The following LRRFIP1 variants were observed in gnomAD, a reference collection of about 807,000 sequenced individuals.
The protein encoded by LRRFIP1 is LRR binding FLII interacting protein 1.
A neutral mutation model predicts 104.4 loss-of-function variants in LRRFIP1; 62 were observed. The ratio of observed to expected loss-of-function variants is 0.59; its 90% CI spans 0.48 to 0.73. LRRFIP1 has a LOEUF of 0.73. Among genes scored for constraint, LRRFIP1 ranks in the 30% least tolerant of loss-of-function variants. LRRFIP1 has a pLI of 0.00. For synonymous variants in LRRFIP1, 300 were observed against 299.0 expected, an observed-to-expected ratio of 1.00 and a Z score of -0.03; for missense variants, 796 against 824.5, an observed-to-expected ratio of 0.97 and a Z score of 0.42.
intron 15 of LRRFIP1, among the ~76,000 whole-genome samples, 161 bp from the exon 16 acceptor site, chr2:237,755,933 CA>C (rs1031003824): frequency 2.6e-5 from 4 of 151,762 alleles, no homozygotes; most frequent in African/African-American, 9.7e-5. Flanking sequence ...GACTCCATCT[CA>C]AAAAAATATA....
intron 1 of LRRFIP1, among the ~76,000 whole-genome samples, chr2:237,671,349 G>A (rs2090308913): frequency 1.3e-5 from 2 of 152,152 alleles, no homozygotes; most frequent in Non-Finnish European, 2.9e-5. Flanking sequence ...AAACAAATCG[G>A]AGCACATCCG....
At chr2:237,769,590 G>C in intron 19 of LRRFIP1, 1 of 244,798 alleles carries the variant, frequency 4.1e-6, no homozygotes, top group Non-Finnish European at 8.1e-6. Context: ...GTGATTCTCG[G>C]TGTTTGTACA....
Position 237,758,748 on chromosome 2 carries a change from A to G in LRRFIP1, c.1244A>G (p.Glu415Gly). 1 of 1,613,076 alleles carries G rather than the reference A, an allele frequency of 6.2e-7. No homozygotes were observed. Reference sequence around the variant, plus strand: ...ACTCAGGCATTAGAGAGGCAGAAAGAGTTCTTTGATTCCGTAAGGAGTGAA... The same window carrying G: ...ACTCAGGCATTAGAGAGGCAGAAAGGGTTCTTTGATTCCGTAAGGAGTGAA... ...KKIGALERQK[E>G]FFDSVRSERD... Residue 415 changes from glutamate (E) to glycine (G), a missense_variant, in exon 18 of 24, where the codon GAG becomes GGG. Glu to Gly is a moderately conservative substitution (Grantham distance 98). Coordinates refer to ENST00000308482, the MANE Select transcript of LRRFIP1 (RefSeq NM_001137550.2).
chr2:237,685,119 C>G (rs369410442), intron 1 of LRRFIP1, among the ~76,000 whole-genome samples: 20 of 79,976 alleles, frequency 2.5e-4, no homozygotes, highest in African/African-American at 9.4e-4. Flanking sequence ...CCCCCCCCCA[C>G]ACAAAAAAAC....
At chr2:237,692,406 C>T in intron 1 of LRRFIP1, 4 of 1,438,544 alleles carry the variant, frequency 2.8e-6, no homozygotes, top group Non-Finnish European at 3.7e-6. Context: ...GGGCTCCCGG[C>T]GCGGTCCCCG....
intron 8 of LRRFIP1, among the ~76,000 whole-genome samples, 153 bp downstream of exon 8, chr2:237,728,088 T>TG (rs754291777): frequency 2.6e-5 from 4 of 152,212 alleles, no homozygotes; most frequent in Non-Finnish European, 5.9e-5. Context: ...CATGATGGAA[T>TG]GAAAGATAAT....
rs6755426 is a variant in LRRFIP1 at position 237,661,844 on chromosome 2, G to A, written c.96+34104G>A. On this transcript the variant is annotated intron_variant, in intron 1 of 23. Transcript: ENST00000308482. This position sits in a 1 kb window ranked among gnomAD's most constrained non-coding sequence, Gnocchi z 4.4. Reference sequence around the variant, plus strand: ...GAGTGGCATAGGCTCTCCTGACCCAGGTACCTATCAGCCCCCAAAATAGGT... The same window carrying A: ...GAGTGGCATAGGCTCTCCTGACCCAAGTACCTATCAGCCCCCAAAATAGGT... Among the ~76,000 whole-genome samples the A allele has an allele frequency of 0.11, 16,305 of 152,218 alleles. 982 individuals are homozygous for A. Among genetic ancestry groups the A allele is most frequent in the African/African-American group, 0.15 (6,341 of 41,522 alleles).
At chr2:237,671,796 G>C in intron 1 of LRRFIP1, among the ~76,000 whole-genome samples, 1 of 150,778 alleles carries the variant, frequency 6.6e-6, no homozygotes, top group East Asian at 1.9e-4. Context: ...GTGTGTGCAG[G>C]TGTGTGTGTG....
chr2:237,644,010 A>T (rs1002927533), intron 1 of LRRFIP1, among the ~76,000 whole-genome samples: 1 of 152,208 alleles, frequency 6.6e-6, no homozygotes, highest in African/African-American at 2.4e-5. Flanking sequence ...TAAAGCAAGA[A>T]ACCAAATCCT....
At chr2:237,763,895 C>T in intron 19 of LRRFIP1, 1 of 1,614,242 alleles carries the variant, frequency 6.2e-7, no homozygotes, top group East Asian at 2.2e-5. Context: ...TCGCTGCACC[C>T]TGCCCGAACA....
At chr2:237,757,364 A>T in intron 16 of LRRFIP1, 92 bp from the exon 17 acceptor site, 1 of 764,530 alleles carries the variant, frequency 1.3e-6, no homozygotes, top group Non-Finnish European at 2.2e-6. Context: ...TTGCGGCCTC[A>T]CTCACTGTCC....
intron 1 of LRRFIP1, among the ~76,000 whole-genome samples, chr2:237,696,730 C>T (rs1043719783): frequency 3.9e-5 from 6 of 152,224 alleles, no homozygotes; most frequent in Non-Finnish European, 8.8e-5. Flanking sequence ...ATAACTGTCA[C>T]CACTGTATGC....
intron 1 of LRRFIP1, among the ~76,000 whole-genome samples, chr2:237,657,207 T>A (rs12470119): frequency 0.1 from 15,286 of 151,826 alleles, 842 homozygotes; most frequent in African/African-American, 0.13. Context: ...AAGACAGAAA[T>A]GGGAAACAGG....
At chr2:237,640,596 T>C (rs1395915932) in intron 1 of LRRFIP1, among the ~76,000 whole-genome samples, 3 of 151,938 alleles carry the variant, frequency 2.0e-5, no homozygotes, top group Admixed American at 6.6e-5. Context: ...AACAGAAAGG[T>C]CAGTGACTGC....
At chr2:237,770,966 A>G (rs1355952756) in intron 20 of LRRFIP1, among the ~76,000 whole-genome samples, 2 of 152,018 alleles carry the variant, frequency 1.3e-5, no homozygotes, top group Admixed American at 1.3e-4. Context: ...AGAAAGCACT[A>G]AATATGGTAG....
At chr2:237,739,018 T>C (rs572881720) in intron 10 of LRRFIP1, among the ~76,000 whole-genome samples, 61 of 152,390 alleles carry the variant, frequency 4.0e-4, no homozygotes, top group African/African-American at 1.1e-3. Flanking sequence ...AATTCTGTGT[T>C]CCTCTGATAA....
At chr2:237,654,177 C>G (rs1410375804) in intron 1 of LRRFIP1, among the ~76,000 whole-genome samples, 2 of 151,856 alleles carry the variant, frequency 1.3e-5, no homozygotes, top group African/African-American at 4.8e-5. Flanking sequence ...AACAAATAAC[C>G]TGGTTTTAAA....
rs1251519907 is a variant in LRRFIP1, at chr2:237,780,759, AG to A, written c.*1231del. On this transcript the variant is annotated 3_prime_UTR_variant, in exon 24 of 24. Transcript: ENST00000308482. ...AAGAAAACACTCCCAGCATAATGCTAGGGGTCACCAGTGTCCATCCCCCAGA... is the reference window on the plus strand; with the variant it reads ...AAGAAAACACTCCCAGCATAATGCTAGGGTCACCAGTGTCCATCCCCCAGA... Among the ~76,000 whole-genome samples, 3 of 152,252 alleles carry A rather than the reference AG, an allele frequency of 2.0e-5. No individual in the cohort carries two copies. The highest frequency in any genetic ancestry group is 6.5e-5 in the Admixed American group (1 of 15,278).
chr2:237,728,361 C>T (rs1270950049), intron 8 of LRRFIP1, among the ~76,000 whole-genome samples: 1 of 152,188 alleles, frequency 6.6e-6, no homozygotes, highest in African/African-American at 2.4e-5. Context: ...GGCATGTGTA[C>T]AAGCACCTGT....
Sources: allele counts gnomAD v4.1 joint callset (sites outside exome capture counted in the v4.1 genomes callset), GRCh38; gene constraint gnomAD v4.1.1; non-coding constraint Gnocchi (gnomAD v3.1); transcripts MANE v1.5; gene names NCBI Gene and HGNC (gene_info 2026-07-23, HGNC 2026-07-21).